The following C19orf38 variants were observed in gnomAD, a reference collection of about 807,000 sequenced individuals.
C19orf38 encodes the protein protein HIDE1.
C19orf38 carries 14 observed loss-of-function variants against 26.6 expected under a neutral mutation model. The observed-to-expected ratio is 0.53, with a 90% CI of 0.35 to 0.82. The LOEUF is 0.82. Among genes scored for constraint, C19orf38 ranks in the 40% least tolerant of loss-of-function variants. The pLI is 0.01. For synonymous variants in C19orf38, 132 were observed against 128.5 expected (o/e 1.03, Z -0.18); for missense variants, 261 against 299.5 (o/e 0.87, Z 0.95).
At chr19:10,847,624 C>T (rs895668518), upstream of C19orf38, among the ~76,000 whole-genome samples, 1 of 152,004 alleles carries the variant, frequency 6.6e-6, no homozygotes, top group African/African-American at 2.4e-5. Context: ...CCACCTCAGC[C>T]TCCCAAAGTG....
chr19:10,858,834 G>A (rs558159668), intron 4 of C19orf38, among the ~76,000 whole-genome samples: 3 of 152,106 alleles, frequency 2.0e-5, no homozygotes, highest in Non-Finnish European at 4.4e-5. Context: ...TCTCCTCCGA[G>A]AGTGGGGAGA....
chr19:10,853,054 A>G (rs2073588414), intron 2 of C19orf38, among the ~76,000 whole-genome samples: 1 of 151,872 alleles, frequency 6.6e-6, no homozygotes, highest in African/African-American at 2.4e-5. Flanking sequence ...CTACAAAAAA[A>G]AAAAAAAATT....
chr19:10,869,292 G>A lies in C19orf38; in HGVS notation c.618G>A (p.Arg206=). ...CCACTGCCACCCCCAGCAACTCCAG[G>A]ACCCGGAAGAGGCCCACTTCCACGT... The part of the protein sequence containing the change: ...SGTTATPSNS[R]TRKRPTSTSS... Residue 206 remains arginine, a synonymous_variant, in exon 7 of 7, where the codon AGG becomes AGA. Coordinates refer to ENST00000397820, the MANE Select transcript of C19orf38 (RefSeq NM_001136482.3). The A allele has an allele frequency of 1.3e-6, 2 of 1,551,632 alleles. No homozygotes were observed. Among genetic ancestry groups the A allele is most frequent in the Non-Finnish European group, 1.7e-6 (2 of 1,146,970 alleles).
chr19:10,855,478 C>T (rs2073615141), intron 2 of C19orf38, among the ~76,000 whole-genome samples: 1 of 152,110 alleles, frequency 6.6e-6, no homozygotes, highest in Non-Finnish European at 1.5e-5. Flanking sequence ...GCTGGAATTA[C>T]AGGTGTGCAC....
At chr19:10,859,106 T>C (rs991518178) in intron 4 of C19orf38, among the ~76,000 whole-genome samples, 2 of 149,734 alleles carry the variant, frequency 1.3e-5, no homozygotes, top group African/African-American at 4.9e-5. Context: ...CCCGGCTAAT[T>C]TTGTATTTTT....
intron 6 of C19orf38, among the ~76,000 whole-genome samples, chr19:10,868,759 G>A (rs2073775994): frequency 6.6e-6 from 1 of 152,180 alleles, no homozygotes; most frequent in South Asian, 2.1e-4. Context: ...ACCCACCTCG[G>A]TCTCCCAAAG....
intron 4 of C19orf38, among the ~76,000 whole-genome samples, chr19:10,859,444 G>A (rs371092533): frequency 7.2e-6 from 1 of 139,102 alleles, no homozygotes; most frequent in Non-Finnish European, 1.5e-5. Context: ...GTACAGTGGC[G>A]CAATCTCGGC....
At chr19:10,859,312 A>ATG (rs1236312328) in intron 4 of C19orf38, among the ~76,000 whole-genome samples, 7 of 85,214 alleles carry the variant, frequency 8.2e-5, no homozygotes, top group East Asian at 7.0e-4. Flanking sequence ...GTGTGTATGT[A>ATG]TGTGTGTGTG....
At chr19:10,868,179 G>A (rs1451839214) in intron 6 of C19orf38, among the ~76,000 whole-genome samples, 1 of 152,176 alleles carries the variant, frequency 6.6e-6, no homozygotes, top group Non-Finnish European at 1.5e-5. Context: ...TGGTAAGGCA[G>A]CAGCTGACCT....
At chr19:10,854,469 C>T (rs2073604870) in intron 2 of C19orf38, among the ~76,000 whole-genome samples, 2 of 152,228 alleles carry the variant, frequency 1.3e-5, no homozygotes, top group Admixed American at 6.5e-5. Flanking sequence ...TTCCCGGCCT[C>T]AGGCTCCTCT....
At chr19:10,864,502 T>G (rs1267215346) in intron 6 of C19orf38, among the ~76,000 whole-genome samples, 1 of 152,022 alleles carries the variant, frequency 6.6e-6, no homozygotes, top group Non-Finnish European at 1.5e-5. Flanking sequence ...CATGAAGAAC[T>G]TTGATTTTAC....
chr19:10,859,290 G>GTGTGTGTGTGTGTA (rs1555721420), intron 4 of C19orf38, among the ~76,000 whole-genome samples: 2 of 131,502 alleles, frequency 1.5e-5, no homozygotes, highest in African/African-American at 5.8e-5. Context: ...ATGTGTGTGT[G>GTGTGTGTGTGTGTA]TATATGTGTG....
At position 10,850,456 on chromosome 19, in the gene C19orf38, G is replaced by GGCA. The variant is rs1189320773; in HGVS notation, c.236_238dup (p.Ser79dup). ...CGGGGTGACATTTAACCTGAGCGGC[G>GGCA]GCAGCAGCAAGGCTCCAGGGGGACC... On this transcript the variant is annotated inframe_insertion, in exon 2 of 7. Coordinates refer to ENST00000397820, the MANE Select transcript of C19orf38 (RefSeq NM_001136482.3). 5 of 1,551,374 alleles carry GGCA rather than the reference G, an allele frequency of 3.2e-6. No homozygotes were observed. In the African/African-American group the frequency reaches 6.8e-5, roughly 21 times the overall value.
At chr19:10,853,413 A>G (rs1016675882) in intron 2 of C19orf38, among the ~76,000 whole-genome samples, 1 of 151,048 alleles carries the variant, frequency 6.6e-6, no homozygotes, top group East Asian at 2.0e-4. Flanking sequence ...CAGCCTCCCG[A>G]GTAGCTGGGA....
At chr19:10,850,024 A>C (rs566522008) in intron 1 of C19orf38, among the ~76,000 whole-genome samples, 2 of 152,144 alleles carry the variant, frequency 1.3e-5, no homozygotes, top group African/African-American at 2.4e-5. Context: ...ACACCACTAC[A>C]TTCCATCCTG....
intron 2 of C19orf38, among the ~76,000 whole-genome samples, chr19:10,852,222 C>T (rs1225506996): frequency 6.6e-6 from 1 of 151,990 alleles, no homozygotes; most frequent in Non-Finnish European, 1.5e-5. Flanking sequence ...ACCTCGGCCT[C>T]CAGAGTAGCT....
At chr19:10,858,251 A>AAAAAGAAATTGCCGGAT in intron 3 of C19orf38, 65 bp from the exon 4 acceptor site, 4 of 1,246,118 alleles carry the variant, frequency 3.2e-6, no homozygotes, top group East Asian at 2.7e-5. Flanking sequence ...AAAAAAAAAA[A>AAAAAGAAATTGCCGGAT]ACAGAAATTG....
chr19:10,851,810 T>C (rs2073575255), intron 2 of C19orf38, among the ~76,000 whole-genome samples: 1 of 151,304 alleles, frequency 6.6e-6, no homozygotes, highest in African/African-American at 2.4e-5. Context: ...CTACTAAAAA[T>C]ACAAAAAATT....
intron 6 of C19orf38, among the ~76,000 whole-genome samples, chr19:10,867,039 C>T (rs1190399937): frequency 6.6e-6 from 1 of 151,876 alleles, no homozygotes; most frequent in Non-Finnish European, 1.5e-5. Context: ...ATCTGCCCGC[C>T]TCGGCCTCCC....
Sources: gnomAD v4.1 joint callset for allele counts (sites outside exome capture counted in the v4.1 genomes callset) on GRCh38, gnomAD v4.1.1 for gene constraint, MANE v1.5 for transcripts, NCBI Gene and HGNC (gene_info 2026-07-23, HGNC 2026-07-21) for gene names.